NOC4L: variants seen among roughly 807,000 people sequenced by gnomAD.
NOC4L encodes the protein nucleolar complex associated 4 homolog, also known as nucleolar complex protein 4 homolog.
A neutral mutation model predicts 62.8 loss-of-function variants in NOC4L; 40 were observed. The ratio of observed to expected loss-of-function variants is 0.64; its 90% confidence interval spans 0.49 to 0.83. The LOEUF is 0.83. Among genes scored for constraint, NOC4L ranks in the 40% least tolerant of loss-of-function variants. The pLI is 0.00. For synonymous variants in NOC4L, 433 were observed against 299.8 expected, an observed-to-expected ratio of 1.44 and a Z score of -4.59; for missense variants, 927 against 701.9, an observed-to-expected ratio of 1.32 and a Z score of -3.62.
At chr12:132,147,088 C>G (rs545613365) in intron 3 of NOC4L, among the ~76,000 whole-genome samples, 193 bp from the exon 4 acceptor site, 1 of 152,362 alleles carries the variant, frequency 6.6e-6, no homozygotes, top group Non-Finnish European at 1.5e-5. Flanking sequence ...AACTAGAGAT[C>G]TTGTCATCTC....
Position 132,151,468 on chromosome 12 carries a change from C to G in NOC4L, c.1074-16C>G. ...TAGCAGTCCGGGCCCTGTCTCACAA[C>G]CACTGCCCTGCCCAGCCACCTCCCC... On this transcript the variant is annotated splice_polypyrimidine_tract_variant and intron_variant, in intron 11 of 14. Transcript: ENST00000330579. 1.2e-6 allele frequency: 2 copies of G among 1,600,260 alleles called. No individual in the cohort carries two copies.
At chr12:132,145,054 C>T (rs1254251981) in intron 2 of NOC4L, 80 bp downstream of exon 2, 7 of 1,493,068 alleles carry the variant, frequency 4.7e-6, no homozygotes, top group Non-Finnish European at 6.3e-6. Context: ...GATGAGCGCC[C>T]CCAACCCTGG....
In NOC4L at chr12:132,151,526, G is replaced by A. The variant is rs1872931916; in HGVS notation, c.1116G>A (p.Leu372=). 1.9e-6 allele frequency: 3 copies of A among 1,607,244 alleles called. No individual in the cohort carries two copies. Among genetic ancestry groups the A allele is most frequent in the Non-Finnish European group, 2.5e-6 (3 of 1,179,040 alleles). Residue 372 remains leucine (L), a synonymous_variant, in exon 12 of 15, where the codon CTG becomes CTA. Coordinates refer to ENST00000330579, the MANE Select transcript of NOC4L (RefSeq NM_024078.3). The part of the protein sequence containing the change: ...AYLVAAFAKR[L]ARLALTAPPE... ...TGGTGGCCGCCTTCGCCAAGCGGCT[G>A]GCCCGCCTGGCCCTGACGGCTCCCC...
chr12:132,146,998 G>A (rs149420917), intron 3 of NOC4L, among the ~76,000 whole-genome samples: 48 of 152,314 alleles, frequency 3.2e-4, no homozygotes, highest in Non-Finnish European at 5.4e-4. Flanking sequence ...TGACGAGAGA[G>A]CAGTCAGGTG....
rs199638081 is a variant in NOC4L at position 132,147,713 on chromosome 12, C to T, written c.534C>T (p.Asp178=). The T allele has an allele frequency of 1.2e-4, 192 of 1,612,756 alleles. No individual in the cohort carries two copies. Among genetic ancestry groups the T allele is most frequent in the African/African-American group, 1.0e-3 (78 of 74,928 alleles). ...AGTTCCGGGAGTACCTGGACTACGA[C>T]GACACCCGCTACCACACCATGCAGG... is the stretch of plus-strand genomic sequence containing the variant. ...LSQFREYLDY[D]DTRYHTMQAA... The change falls in exon 5 of 15, where the codon GAC becomes GAT. Residue 178 remains aspartate, a synonymous_variant. Transcript: ENST00000330579.
Position 132,152,340 on chromosome 12 carries a change from C to T in NOC4L, c.1490C>T (p.Pro497Leu), listed in dbSNP as rs768262730. 5.2e-5 allele frequency: 81 copies of T among 1,569,116 alleles called. No individual in the cohort carries two copies. The highest frequency in any genetic ancestry group is 5.8e-5 in the Non-Finnish European group (67 of 1,156,400). Residue 497 changes from proline to leucine, a missense_variant, in exon 15 of 15, where the codon CCA becomes CTA. Pro to Leu is a moderately conservative substitution (Grantham distance 98). Coordinates refer to ENST00000330579, the MANE Select transcript of NOC4L (RefSeq NM_024078.3). ...GAGCCGGTGCCACTGGAGTTTATCCCAGCCCAGGGCCTGCTGGGACGGCCG... is the reference window on the plus strand; with the variant it reads ...GAGCCGGTGCCACTGGAGTTTATCCTAGCCCAGGGCCTGCTGGGACGGCCG... The part of the protein sequence containing the change: ...GPEPVPLEFI[P>L]AQGLLGRPGE...
At position 132,152,430 on chromosome 12, in the gene NOC4L, C is replaced by G. The variant is rs773170193; in HGVS notation, c.*29C>G. ...TGGCCCACCTGTGAATAAATCTCAG[C>G]TGACCCCAGCCCACCTGTGAATAAA... On this transcript the variant is annotated 3_prime_UTR_variant, in exon 15 of 15. Transcript: ENST00000330579. The G allele has an allele frequency of 1.3e-6, 2 of 1,555,506 alleles. No individual in the cohort carries two copies. Among genetic ancestry groups the G allele is most frequent in the African/African-American group, 2.7e-5 (2 of 73,268 alleles).
rs374532988 is a variant in NOC4L at position 132,152,320 on chromosome 12, G to A, written c.1470G>A (p.Pro490=). Residue 490 remains proline (P), a synonymous_variant, in exon 15 of 15, where the codon CCG becomes CCA. Coordinates refer to ENST00000330579, the MANE Select transcript of NOC4L (RefSeq NM_024078.3). ...ERDLKKKGPE[P]VPLEFIPAQG... ...ACCTGAAGAAGAAGGGGCCCGAGCC[G>A]GTGCCACTGGAGTTTATCCCAGCCC... 1.9e-5 allele frequency: 29 copies of A among 1,564,184 alleles called. No homozygotes were observed. The highest frequency in any genetic ancestry group is 9.6e-5 in the East Asian group (4 of 41,788).
intron 3 of NOC4L, chr12:132,146,447 T>C (rs1897731719): frequency 2.3e-6 from 1 of 433,644 alleles, no homozygotes; most frequent in Non-Finnish European, 4.8e-6. Flanking sequence ...CAAACTCTTG[T>C]GTGATGTTTC....
intron 10 of NOC4L, 108 bp from the exon 11 acceptor site, chr12:132,151,150 T>C: frequency 7.1e-7 from 1 of 1,402,174 alleles, no homozygotes; most frequent in Non-Finnish European, 1.0e-6. Context: ...CAGGCCATGG[T>C]GTTGGAGTCC....
chr12:132,150,911 C>A, intron 9 of NOC4L, 70 bp from the exon 10 acceptor site: 1 of 1,158,680 alleles, frequency 8.6e-7, no homozygotes, highest in Non-Finnish European at 1.3e-6. Flanking sequence ...CAGACTTACA[C>A]TCAGTGTGGG....
chr12:132,150,817 C>T (rs1053119632), intron 9 of NOC4L, 164 bp from the exon 10 acceptor site: 24 of 626,136 alleles, frequency 3.8e-5, no homozygotes, highest in Non-Finnish European at 8.5e-6. Context: ...CTCCACCCCC[C>T]ACTCCCCTGC....
chr12:132,147,342 A>T lies in NOC4L; in HGVS notation c.407A>T (p.Lys136Met). ...VQLEGAHPLE[K>M]SKWEGNYLFP... ...CTGGAAGGAGCGCACCCCCTGGAGA[A>T]GTCCAAGTGGGAAGGCAACTACCTG... The change falls in exon 4 of 15, where the codon AAG becomes ATG. Residue 136 changes from lysine (K) to methionine (M), a missense_variant. Coordinates refer to ENST00000330579, the MANE Select transcript of NOC4L (RefSeq NM_024078.3). 9 of 1,597,414 alleles carry T rather than the reference A, an allele frequency of 5.6e-6. No homozygotes were observed. The highest frequency in any genetic ancestry group is 7.7e-6 in the Non-Finnish European group (9 of 1,171,846).
chr12:132,151,846 G>C, intron 13 of NOC4L, 26 bp downstream of exon 13: 1 of 1,603,234 alleles, frequency 6.2e-7, no homozygotes, highest in Non-Finnish European at 8.5e-7. Context: ...CCACACCCTG[G>C]GGCCTCCCGA....
intron 12 of NOC4L, 27 bp from the exon 13 acceptor site, chr12:132,151,711 A>T: frequency 6.2e-7 from 1 of 1,612,264 alleles, no homozygotes; most frequent in Non-Finnish European, 8.5e-7. Context: ...TGTGGACGGC[A>T]GACAAGGGCC....
Position 132,144,962 on chromosome 12 carries a change from A to G in NOC4L, c.226A>G (p.Met76Val), listed in dbSNP as rs1250801383. Residue 76 changes from methionine (M) to valine (V), a missense_variant, in exon 2 of 15, where the codon ATG becomes GTG. Coordinates refer to ENST00000330579, the MANE Select transcript of NOC4L (RefSeq NM_024078.3). ...TGTGGGCCAGCTGCCCTCTGAGGAG[A>G]TGGTCATGACAGGTGAGCCCTGGAG... The part of the protein sequence containing the change: ...LFVGQLPSEE[M>V]VMTGSQGATR... The G allele has an allele frequency of 2.5e-6, 4 of 1,599,546 alleles. No individual in the cohort carries two copies. The highest frequency in any genetic ancestry group is 3.4e-6 in the Non-Finnish European group (4 of 1,174,064).
At position 132,144,843 on chromosome 12, in the gene NOC4L, C is replaced by G; in HGVS notation, c.118-11C>G. 6.3e-7 allele frequency: 1 copy of G among 1,596,734 alleles called. No individual in the cohort carries two copies. The highest frequency in any genetic ancestry group is 8.5e-7 in the Non-Finnish European group (1 of 1,173,934). On this transcript the variant is annotated splice_polypyrimidine_tract_variant and intron_variant, in intron 1 of 14. Coordinates refer to ENST00000330579, the MANE Select transcript of NOC4L (RefSeq NM_024078.3). ...TGGCGGCCGGGCACCCTGCCGCCGC[C>G]TCTCCTGCAGTCTGAGGACCAGGAG...
At chr12:132,148,702 C>G in intron 8 of NOC4L, 43 bp downstream of exon 8, 1 of 1,528,652 alleles carries the variant, frequency 6.5e-7, no homozygotes, top group Non-Finnish European at 8.8e-7. Context: ...GCATCCGGGT[C>G]TCCCCCAGGG....
Position 132,145,986 on chromosome 12 carries a change from T to C in NOC4L, c.345+321T>C, listed in dbSNP as rs141142975. Among the ~76,000 whole-genome samples the C allele has an allele frequency of 8.7e-3, 1,330 of 152,352 alleles. 12 individuals carry two copies. The highest frequency in any genetic ancestry group is 0.031 in the African/African-American group (1,279 of 41,562). On this transcript the variant is annotated intron_variant, in intron 3 of 14. Coordinates refer to ENST00000330579, the MANE Select transcript of NOC4L (RefSeq NM_024078.3). ...ACACTGTGGTCTGCAGCCATGGGAA[T>C]GCATTATGAGCTTTCTTAAAATCTG...
Sources: gnomAD v4.1 joint callset for allele counts (sites outside exome capture counted in the v4.1 genomes callset) on GRCh38, gnomAD v4.1.1 for gene constraint, MANE v1.5 for transcripts, NCBI Gene and HGNC (gene_info 2026-07-23, HGNC 2026-07-21) for gene names.